The following ASIC2 variants were observed in gnomAD, a reference collection of about 807,000 sequenced individuals.
The protein encoded by ASIC2 is acid sensing ion channel subunit 2.
In ASIC2, 25 loss-of-function variants were observed where a neutral mutation model predicts 57.3. The observed-to-expected ratio is 0.44, with a 90% CI of 0.32 to 0.61. ASIC2 has a LOEUF of 0.61. Among genes scored for constraint, ASIC2 ranks in the 20% least tolerant of loss-of-function variants. The probability of loss-of-function intolerance (pLI) is 0.06; values close to 1 mark genes in which losing one functional copy is unlikely to be tolerated. For synonymous variants in ASIC2, 319 were observed against 307.5 expected (o/e 1.04, Z -0.39); for missense variants, 641 against 738.1 (o/e 0.87, Z 1.52).
At chr17:33,184,234 A>T in intron 1 of ASIC2, among the ~76,000 whole-genome samples, 1 of 152,166 alleles carries the variant, frequency 6.6e-6, no homozygotes, top group East Asian at 1.9e-4. Context: ...TCCAGCCTGC[A>T]AGCTCAATAC....
At chr17:33,953,763 T>G (rs1904649090) in intron 1 of ASIC2, among the ~76,000 whole-genome samples, 1 of 152,082 alleles carries the variant, frequency 6.6e-6, no homozygotes, top group Admixed American at 6.5e-5. Flanking sequence ...TTGTGGGTGG[T>G]GGCTTGGACG....
At chr17:33,092,460 G>C (rs1387445193) in intron 2 of ASIC2, among the ~76,000 whole-genome samples, 1 of 152,240 alleles carries the variant, frequency 6.6e-6, no homozygotes, top group Non-Finnish European at 1.5e-5. Flanking sequence ...TCCCAAGCTA[G>C]AATGCAAGTT....
At chr17:33,025,691 C>T (rs2091856046) in intron 5 of ASIC2, among the ~76,000 whole-genome samples, 1 of 152,044 alleles carries the variant, frequency 6.6e-6, no homozygotes, top group South Asian at 2.1e-4. Context: ...TTTCTCTCCC[C>T]AGTCCCATTT....
chr17:33,325,318 A>G (rs1213154395), intron 1 of ASIC2, among the ~76,000 whole-genome samples: 2 of 152,224 alleles, frequency 1.3e-5, no homozygotes, highest in Non-Finnish European at 2.9e-5. Flanking sequence ...TTGGGATAGT[A>G]AGAGAAGGCT....
At chr17:33,038,527 C>T (rs1452087138) in intron 3 of ASIC2, among the ~76,000 whole-genome samples, 2 of 152,106 alleles carry the variant, frequency 1.3e-5, no homozygotes, top group African/African-American at 2.4e-5. Flanking sequence ...GCCCGGAGAT[C>T]GAGGAGAGAC....
intron 1 of ASIC2, among the ~76,000 whole-genome samples, chr17:33,128,158 A>G (rs2092331483): frequency 6.6e-6 from 1 of 152,328 alleles, no homozygotes; most frequent in South Asian, 2.1e-4. Context: ...ACTGCTCGGA[A>G]TGGCTGACAT....
At chr17:33,796,822 G>T (rs1000511970) in intron 1 of ASIC2, among the ~76,000 whole-genome samples, 3 of 152,216 alleles carry the variant, frequency 2.0e-5, no homozygotes, top group Non-Finnish European at 4.4e-5. Context: ...GGAACCCTGA[G>T]CTCCAGGCTT....
intron 1 of ASIC2, among the ~76,000 whole-genome samples, chr17:33,920,673 C>T (rs1915690385): frequency 6.6e-6 from 1 of 152,214 alleles, no homozygotes; most frequent in African/African-American, 2.4e-5. Context: ...ATATGCTCAT[C>T]TAACAAACCT....
intron 1 of ASIC2, among the ~76,000 whole-genome samples, chr17:33,712,822 T>C (rs1909092113): frequency 6.6e-6 from 1 of 151,256 alleles, no homozygotes; most frequent in African/African-American, 2.4e-5. Flanking sequence ...ATTTTTTGTA[T>C]TTTTAGTAGA....
chr17:33,614,099 G>A (rs1905516460), intron 1 of ASIC2, among the ~76,000 whole-genome samples: 2 of 152,146 alleles, frequency 1.3e-5, no homozygotes. Flanking sequence ...TACATCCTCA[G>A]CTGCACCGGG....
intron 1 of ASIC2, among the ~76,000 whole-genome samples, chr17:33,851,372 G>A (rs1395184238): frequency 6.6e-6 from 1 of 152,138 alleles, no homozygotes; most frequent in East Asian, 1.9e-4. Context: ...GGGAGTAGCC[G>A]AGGGGTAGTC....
chr17:34,124,166 G>T (rs927353011), intron 1 of ASIC2, among the ~76,000 whole-genome samples: 1 of 152,174 alleles, frequency 6.6e-6, no homozygotes, highest in African/African-American at 2.4e-5. Context: ...CCATTTTACA[G>T]ACAAGAAGGT....
At chr17:33,907,621 T>C (rs1915376635) in intron 1 of ASIC2, among the ~76,000 whole-genome samples, 2 of 152,168 alleles carry the variant, frequency 1.3e-5, no homozygotes, top group South Asian at 4.2e-4. Context: ...ATTCCTATTG[T>C]TTGTTTTTCT....
At chr17:33,458,177 C>T (rs754636548) in intron 1 of ASIC2, among the ~76,000 whole-genome samples, 1 of 151,978 alleles carries the variant, frequency 6.6e-6, no homozygotes, top group Non-Finnish European at 1.5e-5. Context: ...AAAGAAGCCT[C>T]GAATCTCTAG....
rs143584535 is a variant in ASIC2 at position 33,444,135 on chromosome 17, C to A, written c.556-332068G>T. ...TTGCCTTTGGCCAATTTCTGGAGCT[C>A]CAAAATGGTTGTTTTTGACAGTATT... On this transcript the variant is annotated intron_variant, in intron 1 of 9. Coordinates refer to the ASIC2 transcript ENST00000359872. Among the ~76,000 whole-genome samples, 347 of 152,256 alleles carry A rather than the reference C, an allele frequency of 2.3e-3. 1 individual carries two copies. Among genetic ancestry groups the A allele is most frequent in the African/African-American group, 8.1e-3 (336 of 41,540 alleles).
intron 1 of ASIC2, among the ~76,000 whole-genome samples, chr17:33,807,792 T>A (rs1240164929): frequency 6.6e-6 from 1 of 152,254 alleles, no homozygotes; most frequent in African/African-American, 2.4e-5. Context: ...TCTGATGACA[T>A]ATGATGTGGA....
At chr17:33,823,867 A>G (rs981757878) in intron 1 of ASIC2, among the ~76,000 whole-genome samples, 2 of 152,040 alleles carry the variant, frequency 1.3e-5, no homozygotes, top group African/African-American at 2.4e-5. Flanking sequence ...CTGTTGGTTT[A>G]TTTGGTGTCT....
chr17:33,685,648 C>T (rs1908162019), intron 1 of ASIC2, among the ~76,000 whole-genome samples: 1 of 152,218 alleles, frequency 6.6e-6, no homozygotes, highest in African/African-American at 2.4e-5. Flanking sequence ...GGAAGGAGGC[C>T]GGCAGACTTG....
At chr17:33,546,152 A>T (rs1013024752) in intron 1 of ASIC2, among the ~76,000 whole-genome samples, 2 of 149,908 alleles carry the variant, frequency 1.3e-5, no homozygotes, top group Non-Finnish European at 3.0e-5. Context: ...TGTATATGTA[A>T]ATATATATAC....
Sources: gnomAD v4.1 joint callset for allele counts (sites outside exome capture counted in the v4.1 genomes callset) on GRCh38, gnomAD v4.1.1 for gene constraint, MANE v1.5 for transcripts, NCBI Gene and HGNC (gene_info 2026-07-23, HGNC 2026-07-21) for gene names.